ATP11B: variants seen among roughly 807,000 people sequenced by gnomAD.
ATP11B encodes ATPase phospholipid transporting 11B (putative), also known as phospholipid-transporting ATPase IF.
Under a neutral mutation model 157.8 loss-of-function variants are expected in ATP11B, and 81 were observed. The observed-to-expected ratio is 0.51, with a 90% CI of 0.43 to 0.62. ATP11B has a LOEUF of 0.62. Among genes scored for constraint, ATP11B ranks in the 20% least tolerant of loss-of-function variants. ATP11B has a pLI of 0.00. For synonymous variants in ATP11B, 451 were observed against 469.4 expected (o/e 0.96, Z 0.51); for missense variants, 1,165 against 1,402.2 (o/e 0.83, Z 2.70).
intron 1 of ATP11B, among the ~76,000 whole-genome samples, chr3:182,804,399 C>T (rs1375613248): frequency 2.6e-5 from 4 of 152,138 alleles, no homozygotes; most frequent in South Asian, 2.1e-4. Flanking sequence ...GCACCCGCCA[C>T]GACGCCCGGC....
chr3:182,840,916 C>T (rs995283514), intron 7 of ATP11B, among the ~76,000 whole-genome samples: 1 of 152,182 alleles, frequency 6.6e-6, no homozygotes, highest in African/African-American at 2.4e-5. Flanking sequence ...CTGCTTAACC[C>T]TGTAGTGGCT....
At chr3:182,880,855 TA>T (rs1285851643) in intron 20 of ATP11B, 23 bp from the exon 21 acceptor site, 1 of 1,483,596 alleles carries the variant, frequency 6.7e-7, no homozygotes, top group Non-Finnish European at 9.1e-7. Context: ...GCGTCATAAA[TA>T]ACCAATTCAT....
intron 2 of ATP11B, among the ~76,000 whole-genome samples, chr3:182,823,612 C>T (rs1717518850): frequency 6.6e-6 from 1 of 151,978 alleles, no homozygotes; most frequent in Non-Finnish European, 1.5e-5. Flanking sequence ...TTTTTTGGTT[C>T]CATATGAACT....
intron 28 of ATP11B, among the ~76,000 whole-genome samples, chr3:182,900,615 AC>A (rs1723888713): frequency 6.6e-6 from 1 of 152,158 alleles, no homozygotes; most frequent in East Asian, 1.9e-4. Flanking sequence ...AAAAAAATTC[AC>A]AATAAAAGAG....
chr3:182,844,515 T>C, intron 8 of ATP11B: 1 of 969,950 alleles, frequency 1.0e-6, no homozygotes, highest in Non-Finnish European at 1.2e-6. Context: ...CCTTTCTAGT[T>C]ATTCCTTGTC....
intron 12 of ATP11B, among the ~76,000 whole-genome samples, chr3:182,861,313 C>T (rs1489701423): frequency 6.6e-6 from 1 of 152,224 alleles, no homozygotes; most frequent in Admixed American, 6.5e-5. Flanking sequence ...GATCCTCCCA[C>T]CTTGGCCTCC....
chr3:182,802,979 C>T (rs1324552795), intron 1 of ATP11B, among the ~76,000 whole-genome samples: 1 of 152,106 alleles, frequency 6.6e-6, no homozygotes, highest in Non-Finnish European at 1.5e-5. Flanking sequence ...GTAATCCCTG[C>T]CCCAGCCAAT....
intron 1 of ATP11B, among the ~76,000 whole-genome samples, chr3:182,800,331 C>G (rs1484537783): frequency 6.6e-6 from 1 of 151,628 alleles, no homozygotes; most frequent in Non-Finnish European, 1.5e-5. Flanking sequence ...AAATGATCCT[C>G]CTGCCTCAGC....
At chr3:182,880,143 G>T (rs550767331) in intron 20 of ATP11B, among the ~76,000 whole-genome samples, 10 of 152,196 alleles carry the variant, frequency 6.6e-5, no homozygotes, top group Admixed American at 5.2e-4. Flanking sequence ...AGCTACCTAT[G>T]TGATTCAAGT....
chr3:182,898,021 A>T (rs898778786), intron 27 of ATP11B, among the ~76,000 whole-genome samples: 14 of 152,058 alleles, frequency 9.2e-5, no homozygotes, highest in African/African-American at 3.1e-4. Flanking sequence ...AGACAAAAAA[A>T]AGCTTCTGAA....
At chr3:182,846,858 G>A (rs971206228) in intron 9 of ATP11B, among the ~76,000 whole-genome samples, 1 of 152,112 alleles carries the variant, frequency 6.6e-6, no homozygotes, top group Non-Finnish European at 1.5e-5. Flanking sequence ...AATGGGTACA[G>A]GGTTTTCTTT....
chr3:182,874,058 A>T, intron 19 of ATP11B, 43 bp downstream of exon 19: 1 of 1,564,300 alleles, frequency 6.4e-7, no homozygotes, highest in Non-Finnish European at 8.7e-7. Flanking sequence ...AGGGGTTAGC[A>T]AACTATGGTT....
intron 12 of ATP11B, 25 bp downstream of exon 12, chr3:182,859,384 T>G: frequency 6.6e-7 from 1 of 1,519,664 alleles, no homozygotes; most frequent in Non-Finnish European, 8.9e-7. Flanking sequence ...AATATTTTGT[T>G]TCTCTAATTT....
At chr3:182,868,026 C>T (rs1193978701) in intron 15 of ATP11B, among the ~76,000 whole-genome samples, 1 of 152,114 alleles carries the variant, frequency 6.6e-6, no homozygotes, top group East Asian at 1.9e-4. Context: ...TATTGTATCT[C>T]ATCATAGTTA....
At chr3:182,882,882 G>T (rs151253089) in intron 21 of ATP11B, among the ~76,000 whole-genome samples, 1 of 152,096 alleles carries the variant, frequency 6.6e-6, no homozygotes, top group African/African-American at 2.4e-5. Context: ...GTGAGCAATC[G>T]ATTGTTATGA....
intron 4 of ATP11B, among the ~76,000 whole-genome samples, chr3:182,830,624 A>G (rs1178977468): frequency 6.6e-6 from 1 of 152,182 alleles, no homozygotes; most frequent in African/African-American, 2.4e-5. Context: ...GCAAATGTGA[A>G]TTTTTCATTT....
chr3:182,858,359 CAA>C (rs1399689209), intron 11 of ATP11B, among the ~76,000 whole-genome samples: 3 of 152,132 alleles, frequency 2.0e-5, no homozygotes, highest in South Asian at 2.1e-4. Context: ...ATAAATGAAT[CAA>C]AGAGTAAATG....
At chr3:182,839,153 C>T (rs911849333) in intron 7 of ATP11B, among the ~76,000 whole-genome samples, 3 of 152,120 alleles carry the variant, frequency 2.0e-5, no homozygotes, top group African/African-American at 4.8e-5. Flanking sequence ...GAGCTGGAGG[C>T]CATTATCCTT....
At chr3:182,818,862 T>C (rs957079599) in intron 1 of ATP11B, among the ~76,000 whole-genome samples, 7 of 151,112 alleles carry the variant, frequency 4.6e-5, no homozygotes, top group African/African-American at 1.5e-4. Context: ...CCAAGTTTTA[T>C]TGACCTTTTA....
Sources: allele counts gnomAD v4.1 joint callset (sites outside exome capture counted in the v4.1 genomes callset), GRCh38; gene constraint gnomAD v4.1.1; transcripts MANE v1.5; gene names NCBI Gene and HGNC (gene_info 2026-07-23, HGNC 2026-07-21).